The following CAST variants were observed in gnomAD, a reference collection of about 807,000 sequenced individuals.
The protein encoded by CAST is calpastatin.
A neutral mutation model predicts 119.6 loss-of-function variants in CAST; 76 were observed. The observed-to-expected ratio is 0.64, with a 90% CI of 0.53 to 0.77. CAST has a LOEUF of 0.77. CAST is among the 30% of genes least tolerant of loss of function. CAST has a pLI of 0.00. For synonymous variants in CAST, 319 were observed against 331.6 expected (o/e 0.96, Z 0.41); for missense variants, 953 against 946.5 (o/e 1.01, Z -0.09).
At chr5:96,423,477 C>G in the CAST span, 1 of 1,612,984 alleles carries the variant, frequency 6.2e-7, no homozygotes, top group Admixed American at 1.7e-5. Context: ...AGAAAAACAA[C>G]GAAGCATTGA....
the CAST span, among the ~76,000 whole-genome samples, chr5:96,389,909 C>A: frequency 1.3e-5 from 2 of 151,644 alleles, no homozygotes; most frequent in Non-Finnish European, 2.9e-5. Context: ...CACTGTAGTC[C>A]GGGCAAAAGA....
chr5:96,667,833 T>C (rs1431181966), intron 1 of CAST, among the ~76,000 whole-genome samples: 1 of 152,072 alleles, frequency 6.6e-6, no homozygotes, highest in Non-Finnish European at 1.5e-5. Flanking sequence ...GCCAAGATGG[T>C]GAAACCCCAT....
At chr5:96,223,811 T>C in the CAST span, among the ~76,000 whole-genome samples, 1 of 152,196 alleles carries the variant, frequency 6.6e-6, no homozygotes, top group African/African-American at 2.4e-5. Context: ...TTTTGTGTAA[T>C]AGATGTTAAT....
chr5:96,190,093 C>T, the CAST span, among the ~76,000 whole-genome samples: 3,254 of 152,204 alleles, frequency 0.021, 110 homozygotes, highest in African/African-American at 0.074. Flanking sequence ...CCAGCTTGCT[C>T]TGCCCTGAAT....
intron 1 of CAST, among the ~76,000 whole-genome samples, chr5:96,610,015 G>A (rs1406224979): frequency 6.6e-6 from 1 of 152,140 alleles, no homozygotes; most frequent in East Asian, 1.9e-4. Context: ...TTGAATTATA[G>A]CTCCCATAAT....
the CAST span, among the ~76,000 whole-genome samples, chr5:96,173,948 T>C: frequency 6.6e-6 from 1 of 152,078 alleles, no homozygotes; most frequent in East Asian, 1.9e-4. Context: ...TTTCCCGTGT[T>C]AGCCAGGATG....
chr5:96,006,474 G>A, the CAST span, among the ~76,000 whole-genome samples: 1 of 152,162 alleles, frequency 6.6e-6, no homozygotes, highest in African/African-American at 2.4e-5. Context: ...CAGCCTGTAG[G>A]CCCAGGTTGT....
At chr5:95,995,089 A>G in the CAST span, among the ~76,000 whole-genome samples, 6 of 152,256 alleles carry the variant, frequency 3.9e-5, no homozygotes, top group Non-Finnish European at 8.8e-5. Context: ...GCAGCTTCTC[A>G]GATGTCAATA....
At chr5:96,434,664 G>A in the CAST span, among the ~76,000 whole-genome samples, 1 of 151,542 alleles carries the variant, frequency 6.6e-6, no homozygotes, top group Non-Finnish European at 1.5e-5. Flanking sequence ...CCGAGGGCGC[G>A]ATCTATGCTG....
chr5:96,036,314 T>C, the CAST span, among the ~76,000 whole-genome samples: 1 of 152,106 alleles, frequency 6.6e-6, no homozygotes, highest in African/African-American at 2.4e-5. Flanking sequence ...TATTCCCTTT[T>C]TAAGAAAATA....
upstream of CAST, chr5:96,661,980 A>T (rs1433690727): frequency 6.2e-6 from 1 of 161,832 alleles, no homozygotes; most frequent in African/African-American, 2.4e-5. Context: ...ATGTAGAAAG[A>T]GTATCTACTT....
At chr5:96,373,237 G>A in the CAST span, among the ~76,000 whole-genome samples, 5 of 152,250 alleles carry the variant, frequency 3.3e-5, no homozygotes, top group South Asian at 2.1e-4. Context: ...AGCAATTAAG[G>A]CCTCAGGATC....
the CAST span, among the ~76,000 whole-genome samples, chr5:96,439,017 A>G: frequency 1.3e-5 from 2 of 152,204 alleles, no homozygotes; most frequent in Non-Finnish European, 2.9e-5. Context: ...GTTTGCTACT[A>G]TTATTAATGC....
upstream of CAST, chr5:96,662,089 G>T (rs199812306): frequency 4.2e-5 from 11 of 263,020 alleles, no homozygotes; most frequent in East Asian, 4.3e-4. Flanking sequence ...CATCGAAGGA[G>T]GAACGCTGCA....
At position 96,774,577 on chromosome 5, in the gene CAST, GCAAA is replaced by G. The variant is rs1167290727; in HGVS notation, c.*1966_*1969del. 5.1e-6 allele frequency: 5 copies of G among 985,338 alleles called. No homozygotes were observed. The highest frequency in any genetic ancestry group is 6.2e-5 in the Admixed American group (1 of 16,254). 61.0% of individuals were successfully genotyped at this position (985,338 alleles called of 1,614,324 possible). ...GTTTAGAAAATGGGCTTTTCCAAAA[GCAAA>G]CAAAGATAGGTTCCTCAGGTGACCA... On this transcript the variant is annotated 3_prime_UTR_variant, in exon 32 of 32. Transcript: ENST00000675179.
At chr5:96,405,505 A>G in the CAST span, among the ~76,000 whole-genome samples, 1 of 152,088 alleles carries the variant, frequency 6.6e-6, no homozygotes, top group Non-Finnish European at 1.5e-5. Flanking sequence ...TCCTACATAG[A>G]AAAAAGAAGG....
the CAST span, among the ~76,000 whole-genome samples, chr5:96,331,183 A>G: frequency 2.6e-5 from 4 of 152,190 alleles, no homozygotes; most frequent in African/African-American, 7.2e-5. Flanking sequence ...CTATCACCTT[A>G]TTTTACACAT....
the CAST span, among the ~76,000 whole-genome samples, chr5:95,999,540 C>T: frequency 1.8e-4 from 27 of 152,050 alleles, no homozygotes; most frequent in Non-Finnish European, 3.1e-4. Flanking sequence ...AACAGGGTTT[C>T]GCTGTGTTTC....
chr5:96,141,725 A>G, the CAST span, among the ~76,000 whole-genome samples: 1 of 152,180 alleles, frequency 6.6e-6, no homozygotes, highest in Non-Finnish European at 1.5e-5. Context: ...GAGAAGTCCT[A>G]CAGCTTGTAA....
Sources: allele counts gnomAD v4.1 joint callset (sites outside exome capture counted in the v4.1 genomes callset), GRCh38; gene constraint gnomAD v4.1.1; transcripts MANE v1.5; gene names NCBI Gene and HGNC (gene_info 2026-07-23, HGNC 2026-07-21).